CNTLN: variants seen among roughly 807,000 people sequenced by gnomAD.
CNTLN encodes the protein centlein, centrosomal protein.
CNTLN carries 212 observed loss-of-function variants against 180.0 expected under a neutral mutation model. That is an observed-to-expected ratio of 1.18 (90% CI 1.05 to 1.32). CNTLN has a LOEUF of 1.32. Among genes scored for constraint, CNTLN ranks in the 40% most tolerant of loss-of-function variants. CNTLN has a pLI of 0.00. For missense variants in CNTLN, 2,095 were observed against 1,610.9 expected, an observed-to-expected ratio of 1.30 and a Z score of -5.14; for synonymous variants, 722 against 563.1, an observed-to-expected ratio of 1.28 and a Z score of -3.99.
Position 17,362,637 on chromosome 9 carries a change from A to G in CNTLN, c.1887-3980A>G, listed in dbSNP as rs1167089124. Among the ~76,000 whole-genome samples the G allele has an allele frequency of 1.1e-4, 17 of 152,176 alleles. 1 individual carries two copies. The East Asian group carries it at 3.3e-3, about 29-fold the overall frequency. Reference sequence around the variant, plus strand: ...ACAACTTGTGTTGTTGAGTACATAAAAGTCTAGAACTAATGTATTTTCCTG... The same window carrying G: ...ACAACTTGTGTTGTTGAGTACATAAGAGTCTAGAACTAATGTATTTTCCTG... On this transcript the variant is annotated intron_variant, in intron 12 of 25. Transcript: ENST00000380647.
intron 5 of CNTLN, among the ~76,000 whole-genome samples, chr9:17,268,298 C>A (rs1433774900): frequency 6.6e-6 from 1 of 152,184 alleles, no homozygotes; most frequent in Non-Finnish European, 1.5e-5. Context: ...TGCTAGAGGT[C>A]CACTCCAGAC....
chr9:17,212,529 G>A (rs1176081045), intron 2 of CNTLN, among the ~76,000 whole-genome samples: 1 of 152,118 alleles, frequency 6.6e-6, no homozygotes. Context: ...TTTTTGTTGT[G>A]TCTCTGCCCG....
At chr9:17,143,729 A>C (rs1366321065) in intron 2 of CNTLN, among the ~76,000 whole-genome samples, 2 of 152,164 alleles carry the variant, frequency 1.3e-5, no homozygotes, top group African/African-American at 4.8e-5. Context: ...CTCTATAGGG[A>C]ACTTACTAGA....
chr9:17,299,316 A>C (rs1001781970), intron 7 of CNTLN: 2 of 258,004 alleles, frequency 7.8e-6, no homozygotes, highest in Non-Finnish European at 1.2e-5. Context: ...AAATTATTTT[A>C]ATAAATAATG....
At chr9:17,518,036 CTTTTTTT>C in the CNTLN span, among the ~76,000 whole-genome samples, 34 of 69,244 alleles carry the variant, frequency 4.9e-4, no homozygotes, top group African/African-American at 1.4e-3. Flanking sequence ...TTTTCTTTTC[CTTTTTTT>C]TTTTTTTTTT....
chr9:17,327,924 G>T (rs1820409884), intron 8 of CNTLN, among the ~76,000 whole-genome samples: 1 of 151,940 alleles, frequency 6.6e-6, no homozygotes, highest in Non-Finnish European at 1.5e-5. Flanking sequence ...TTGCACTCCA[G>T]CCTGGGCAAC....
At chr9:17,396,015 A>G (rs533124401) in intron 15 of CNTLN, among the ~76,000 whole-genome samples, 3 of 152,304 alleles carry the variant, frequency 2.0e-5, no homozygotes, top group African/African-American at 7.2e-5. Flanking sequence ...CACCAAAACC[A>G]AGGTGGCCAC....
At chr9:17,160,720 A>C (rs1313516780) in intron 2 of CNTLN, among the ~76,000 whole-genome samples, 1 of 152,218 alleles carries the variant, frequency 6.6e-6, no homozygotes, top group Non-Finnish European at 1.5e-5. Context: ...ATTCAAGTTA[A>C]AGGTAGCCAA....
chr9:17,409,196 C>A, intron 15 of CNTLN, 97 bp from the exon 16 acceptor site: 2 of 1,137,902 alleles, frequency 1.8e-6, no homozygotes, highest in Non-Finnish European at 2.6e-6. Context: ...GTTTTATATA[C>A]AATCTATGCT....
intron 5 of CNTLN, among the ~76,000 whole-genome samples, chr9:17,256,752 C>T (rs1826522750): frequency 6.6e-6 from 1 of 151,874 alleles, no homozygotes. Context: ...TTTTCTTGTA[C>T]AACTCAAAGC....
chr9:17,381,342 T>C (rs1825238243), intron 13 of CNTLN, among the ~76,000 whole-genome samples: 1 of 152,232 alleles, frequency 6.6e-6, no homozygotes, highest in South Asian at 2.1e-4. Flanking sequence ...TGAGCTCTGA[T>C]CTTTCTTAGA....
At chr9:17,178,879 C>T (rs1243254153) in intron 2 of CNTLN, among the ~76,000 whole-genome samples, 4 of 152,146 alleles carry the variant, frequency 2.6e-5, no homozygotes, top group South Asian at 2.1e-4. Context: ...CCAGAGTGGG[C>T]GCCAAGGCCG....
At chr9:17,522,628 G>T in the CNTLN span, among the ~76,000 whole-genome samples, 3 of 152,006 alleles carry the variant, frequency 2.0e-5, no homozygotes, top group African/African-American at 7.3e-5. Flanking sequence ...ACACAGAGAA[G>T]CAGACTTGGC....
At chr9:17,457,376 A>AT (rs1397717547) in intron 18 of CNTLN, 148 bp from the exon 19 acceptor site, 8 of 459,280 alleles carry the variant, frequency 1.7e-5, no homozygotes, top group African/African-American at 1.4e-4. Context: ...AGAGGTTAAG[A>AT]TTTTTGTAAA....
At chr9:17,268,982 C>A (rs1398566084) in intron 5 of CNTLN, among the ~76,000 whole-genome samples, 1 of 152,124 alleles carries the variant, frequency 6.6e-6, no homozygotes, top group Non-Finnish European at 1.5e-5. Context: ...ACCCCTTGTG[C>A]TTCCCGAGTT....
chr9:17,449,511 AAAAG>A lies in CNTLN; in HGVS notation c.3115-8011_3115-8008del, dbSNP rs1355758076. Among the ~76,000 whole-genome samples the A allele has an allele frequency of 7.2e-5, 11 of 152,324 alleles. No homozygotes were observed. The East Asian group carries it at 7.7e-4, about 11-fold the overall frequency. On this transcript the variant is annotated intron_variant, in intron 18 of 25. Transcript: ENST00000380647. ...AAAGTATAATAATAAAAGAAAAAAA[AAAAG>A]AGAGAGCTTTTCTTCTCGTAACTTA... is the stretch of plus-strand genomic sequence containing the variant.
chr9:17,348,322 T>G (rs1054255390), intron 12 of CNTLN, among the ~76,000 whole-genome samples: 17 of 152,178 alleles, frequency 1.1e-4, no homozygotes, highest in Non-Finnish European at 2.1e-4. Context: ...CTGTGGATCT[T>G]ATTTAAATCT....
Position 17,298,070 on chromosome 9 carries a change from C to T in CNTLN, c.984-120C>T, listed in dbSNP as rs539128554. 1.0e-5 allele frequency: 7 copies of T among 673,500 alleles called. No homozygotes were observed. The South Asian group carries it at 3.7e-4, about 35-fold the overall frequency. 41.7% of individuals were successfully genotyped at this position (673,500 alleles called of 1,614,324 possible). A position where few individuals can be genotyped will look rare whatever the true frequency, so the allele number is the denominator to read the frequency against. ...TTATTTCTTTTATTAATAAGTTTGC[C>T]TGCAGTACAAATAACAGATGCAAAA... On this transcript the variant is annotated intron_variant, in intron 6 of 25. Coordinates refer to ENST00000380647, the MANE Select transcript of CNTLN (RefSeq NM_017738.4).
intron 18 of CNTLN, among the ~76,000 whole-genome samples, chr9:17,442,202 A>G (rs1252631625): frequency 6.6e-6 from 1 of 152,216 alleles, no homozygotes; most frequent in Non-Finnish European, 1.5e-5. Context: ...ACTCTACCCA[A>G]CAACAGCAGA....
Sources: gnomAD v4.1 joint callset for allele counts (sites outside exome capture counted in the v4.1 genomes callset) on GRCh38, gnomAD v4.1.1 for gene constraint, MANE v1.5 for transcripts, NCBI Gene and HGNC (gene_info 2026-07-23, HGNC 2026-07-21) for gene names.